The following FAM53B variants were observed in gnomAD, a reference collection of about 807,000 sequenced individuals.
The protein encoded by FAM53B is family with sequence similarity 53 member B.
A neutral mutation model predicts 32.7 loss-of-function variants in FAM53B; 12 were observed. That is an observed-to-expected ratio of 0.37 (90% CI 0.24 to 0.59). The LOEUF (loss-of-function observed/expected upper bound fraction) is 0.59. Ranked by LOEUF, FAM53B falls within the 20% of genes least tolerant of loss-of-function variation. FAM53B has a pLI of 0.72. For synonymous variants in FAM53B, 234 were observed against 228.7 expected, an observed-to-expected ratio of 1.02 and a Z score of -0.21; for missense variants, 477 against 577.7, an observed-to-expected ratio of 0.83 and a Z score of 1.79.
rs1043761017 is a variant in FAM53B, at chr10:124,706,542, G to T, written c.78+94C>A. 3.9e-6 allele frequency: 6 copies of T among 1,521,926 alleles called. No individual in the cohort carries two copies. The Admixed American group carries it at 6.7e-5, about 17-fold the overall frequency. The allele number at this position is 1,521,926 out of a possible 1,614,324, so 94.3% of individuals were successfully genotyped here. On this transcript the variant is annotated intron_variant, in intron 2 of 4. Coordinates refer to ENST00000337318, the MANE Select transcript of FAM53B (RefSeq NM_014661.4). ...CTTTGCTCTTGGGGACTCTGGACTC[G>T]ATTTGCTAAGCTTAGGTGCTCAGTC...
At chr10:124,658,113 C>T (rs1949606505) in intron 4 of FAM53B, among the ~76,000 whole-genome samples, 1 of 152,208 alleles carries the variant, frequency 6.6e-6, no homozygotes, top group Non-Finnish European at 1.5e-5. Flanking sequence ...CAGGTCAGTT[C>T]CCAGGCTCAC....
chr10:124,712,593 A>G (rs1440247720), intron 1 of FAM53B, among the ~76,000 whole-genome samples: 3 of 151,970 alleles, frequency 2.0e-5, no homozygotes, highest in Admixed American at 6.5e-5. Context: ...TTGTATTGTC[A>G]CTTCCCAGTC....
At position 124,733,332 on chromosome 10, in the gene FAM53B, C is replaced by T. The variant is rs1021051662; in HGVS notation, c.-175+10681G>A. 2.0e-5 allele frequency among the ~76,000 whole-genome samples: 3 copies of T among 152,136 alleles called. No individual in the cohort carries two copies. The highest frequency in any genetic ancestry group is 2.9e-5 in the Non-Finnish European group (2 of 68,018). The stretch of plus-strand genomic sequence containing the variant: ...TGGAATCTGGGCTGGCATCTGAGGG[C>T]GGTGGAGGCCTCAGGCGCACTGGCC... On this transcript the variant is annotated intron_variant, in intron 1 of 4. Transcript: ENST00000337318. The surrounding 1 kb of genome is among the most constrained non-coding windows in gnomAD (Gnocchi z 4.3).
At position 124,682,388 on chromosome 10, in the gene FAM53B, T is replaced by TA. The variant is rs746357804; in HGVS notation, c.134-10dup. The TA allele has an allele frequency of 6.3e-7, 1 of 1,587,710 alleles. No individual in the cohort carries two copies. The stretch of plus-strand genomic sequence containing the variant: ...TCGCCATCTGTCATTTTCTGGTTCA[T>TA]AAATGACAAGGAGAAAACAGGATTT... On this transcript the variant is annotated splice_polypyrimidine_tract_variant and intron_variant, in intron 3 of 4. Coordinates refer to ENST00000337318, the MANE Select transcript of FAM53B (RefSeq NM_014661.4). This position sits in a 1 kb window ranked among gnomAD's most constrained non-coding sequence, Gnocchi z 5.2.
intron 1 of FAM53B, among the ~76,000 whole-genome samples, chr10:124,727,179 G>A (rs772559553): frequency 2.0e-5 from 3 of 151,880 alleles, no homozygotes; most frequent in Admixed American, 6.6e-5. Flanking sequence ...CATAACACCC[G>A]GCTAATTTTT....
chr10:124,709,841 A>C (rs1364466160), intron 1 of FAM53B, among the ~76,000 whole-genome samples: 3 of 145,254 alleles, frequency 2.1e-5, no homozygotes, highest in Non-Finnish European at 4.7e-5. Context: ...GCCTCAAAAA[A>C]AGAAAAAAAA....
At chr10:124,696,545 C>G (rs916613758) in intron 2 of FAM53B, among the ~76,000 whole-genome samples, 1 of 152,120 alleles carries the variant, frequency 6.6e-6, no homozygotes, top group Non-Finnish European at 1.5e-5. Context: ...AACAGTGGAA[C>G]AAGCTTCCCT....
chr10:124,637,106 CT>C (rs2134042080), intron 4 of FAM53B, among the ~76,000 whole-genome samples: 1 of 152,312 alleles, frequency 6.6e-6, no homozygotes, highest in East Asian at 1.9e-4. Context: ...GCTGCCCTTT[CT>C]GACAAAATGC....
chr10:124,662,455 C>A, intron 4 of FAM53B, among the ~76,000 whole-genome samples: 1 of 98,116 alleles, frequency 1.0e-5, no homozygotes, highest in Non-Finnish European at 2.3e-5. Flanking sequence ...CCCACACACC[C>A]ACCCACCCAT....
At chr10:124,687,368 G>A (rs1949809080) in intron 3 of FAM53B, among the ~76,000 whole-genome samples, 1 of 152,112 alleles carries the variant, frequency 6.6e-6, no homozygotes, top group African/African-American at 2.4e-5. Context: ...GGAGTCTACT[G>A]AGCAACAGTC....
chr10:124,631,181 T>TGCATCCTGGG (rs891748877), intron 4 of FAM53B, among the ~76,000 whole-genome samples: 111 of 152,346 alleles, frequency 7.3e-4, no homozygotes, highest in African/African-American at 2.5e-3. Context: ...CCTCATGCTG[T>TGCATCCTGGG]GCATCCTGGG....
chr10:124,709,138 G>A lies in FAM53B; in HGVS notation c.-174-2251C>T, dbSNP rs544253710. On this transcript the variant is annotated intron_variant, in intron 1 of 4. Coordinates refer to ENST00000337318, the MANE Select transcript of FAM53B (RefSeq NM_014661.4). ...CCAGATCCTCCTCTCGGCAATGGAC[G>A]CCCAAGCGGCCATCCTCTCAAATGT... 2.7e-3 allele frequency among the ~76,000 whole-genome samples: 417 copies of A among 152,342 alleles called. 1 individual carries two copies. Among genetic ancestry groups the A allele is most frequent in the Non-Finnish European group, 4.7e-3 (317 of 68,028 alleles).
intron 1 of FAM53B, among the ~76,000 whole-genome samples, chr10:124,714,758 CA>C (rs71484584): frequency 0.22 from 19,772 of 90,338 alleles, 897 homozygotes; most frequent in Admixed American, 0.27. Flanking sequence ...GACTCCACCT[CA>C]AAAAAAAAAA....
At position 124,706,934 on chromosome 10, in the gene FAM53B, G is replaced by A. The variant is rs1949963279; in HGVS notation, c.-174-47C>T. ...AAAAAGATTCAGGACTAAGAAAGAC[G>A]AGGGCCCTGAGAGTCACCCCTCCCA... is the stretch of plus-strand genomic sequence containing the variant. On this transcript the variant is annotated intron_variant, in intron 1 of 4. Coordinates refer to ENST00000337318, the MANE Select transcript of FAM53B (RefSeq NM_014661.4). 23 of 1,404,530 alleles carry A rather than the reference G, an allele frequency of 1.6e-5. No homozygotes were observed. The South Asian group carries it at 2.4e-4, about 15-fold the overall frequency. 87.0% of individuals were successfully genotyped at this position (1,404,530 alleles called of 1,614,324 possible). A position where few individuals can be genotyped will look rare whatever the true frequency, so the allele number is the denominator to read the frequency against.
chr10:124,649,078 G>A (rs1949539355), intron 4 of FAM53B, among the ~76,000 whole-genome samples: 1 of 152,224 alleles, frequency 6.6e-6, no homozygotes, highest in Non-Finnish European at 1.5e-5. Flanking sequence ...CCCATCATCA[G>A]CTAACTTTCT....
At position 124,682,551 on chromosome 10, in the gene FAM53B, G is replaced by C. The variant is rs572284826; in HGVS notation, c.134-172C>G. Among the ~76,000 whole-genome samples, 101 of 152,304 alleles carry C rather than the reference G, an allele frequency of 6.6e-4. No homozygotes were observed. The highest frequency in any genetic ancestry group is 2.4e-3 in the African/African-American group (98 of 41,558). ...AGATGAGAAATTGAGGCTGAGAGAG[G>C]AGAAGTGAATCCCAAGGCTTTGAGT... On this transcript the variant is annotated intron_variant, in intron 3 of 4. Coordinates refer to ENST00000337318, the MANE Select transcript of FAM53B (RefSeq NM_014661.4). The surrounding 1 kb of genome is among the most constrained non-coding windows in gnomAD (Gnocchi z 5.2).
At chr10:124,700,530 C>T (rs529689487) in intron 2 of FAM53B, among the ~76,000 whole-genome samples, 9 of 152,290 alleles carry the variant, frequency 5.9e-5, no homozygotes, top group Admixed American at 3.3e-4. Flanking sequence ...GTTCCCGAGC[C>T]CACGCCGGGG....
intron 4 of FAM53B, 75 bp downstream of exon 4, chr10:124,681,532 C>T: frequency 7.5e-7 from 1 of 1,340,582 alleles, no homozygotes; most frequent in South Asian, 1.6e-5. Flanking sequence ...GCAATCTATG[C>T]TTGTCTAGGA....
chr10:124,632,936 A>G (rs1005183794), intron 4 of FAM53B, among the ~76,000 whole-genome samples: 1 of 152,196 alleles, frequency 6.6e-6, no homozygotes, highest in Admixed American at 6.5e-5. Flanking sequence ...GAACTTGGCA[A>G]ATCATTAAAC....
Sources: allele counts gnomAD v4.1 joint callset (sites outside exome capture counted in the v4.1 genomes callset), GRCh38; gene constraint gnomAD v4.1.1; non-coding constraint Gnocchi (gnomAD v3.1); transcripts MANE v1.5; gene names NCBI Gene and HGNC (gene_info 2026-07-23, HGNC 2026-07-21).